FSTL5: variants seen among roughly 807,000 people sequenced by gnomAD.
The protein encoded by FSTL5 is follistatin-related protein 5.
Under a neutral mutation model 89.1 loss-of-function variants are expected in FSTL5, and 62 were observed. That is an observed-to-expected ratio of 0.70 (90% CI 0.57 to 0.86). The LOEUF (loss-of-function observed/expected upper bound fraction) is 0.86. Ranked by LOEUF, FSTL5 falls within the 40% of genes least tolerant of loss-of-function variation. The pLI is 0.00. For missense variants in FSTL5, 1,057 were observed against 1,001.6 expected (o/e 1.06, Z -0.75); for synonymous variants, 383 against 346.2 (o/e 1.11, Z -1.18).
intron 15 of FSTL5, among the ~76,000 whole-genome samples, chr4:161,438,801 TAA>T (rs555671513): frequency 6.6e-6 from 1 of 152,248 alleles, no homozygotes; most frequent in East Asian, 1.9e-4. Context: ...TAACATTTTG[TAA>T]AGAGATAAGC....
intron 10 of FSTL5, among the ~76,000 whole-genome samples, chr4:161,531,864 A>C (rs1731421817): frequency 1.3e-5 from 2 of 152,168 alleles, no homozygotes; most frequent in Non-Finnish European, 2.9e-5. Flanking sequence ...TGGGTTTTCT[A>C]GGCTTTTGAG....
At chr4:162,133,573 G>T (rs929709352) in intron 1 of FSTL5, among the ~76,000 whole-genome samples, 4 of 151,966 alleles carry the variant, frequency 2.6e-5, no homozygotes, top group Non-Finnish European at 5.9e-5. Context: ...ATAAATACTG[G>T]TAACATTCAG....
At chr4:161,497,377 G>T (rs144438429) in intron 12 of FSTL5, among the ~76,000 whole-genome samples, 3 of 151,676 alleles carry the variant, frequency 2.0e-5, no homozygotes, top group Non-Finnish European at 4.4e-5. Context: ...AATCATAAGC[G>T]GAAATTAGTT....
intron 6 of FSTL5, among the ~76,000 whole-genome samples, chr4:161,722,901 G>A (rs934000855): frequency 2.6e-5 from 4 of 152,054 alleles, no homozygotes; most frequent in African/African-American, 9.7e-5. Flanking sequence ...GTTGAAATAT[G>A]TCTTTATTAA....
chr4:161,993,024 G>T (rs1159948047), intron 3 of FSTL5, among the ~76,000 whole-genome samples: 10 of 148,422 alleles, frequency 6.7e-5, no homozygotes, highest in African/African-American at 2.5e-4. Flanking sequence ...AGGCGGAGGG[G>T]TGTGGAGGGG....
At chr4:161,839,292 G>A (rs1375411552) in intron 4 of FSTL5, among the ~76,000 whole-genome samples, 3 of 151,964 alleles carry the variant, frequency 2.0e-5, no homozygotes. Flanking sequence ...GAATGAAAGA[G>A]AGAAAGAGAC....
At chr4:161,934,128 A>T (rs190431553) in intron 3 of FSTL5, among the ~76,000 whole-genome samples, 1 of 152,086 alleles carries the variant, frequency 6.6e-6, no homozygotes, top group Non-Finnish European at 1.5e-5. Flanking sequence ...CCAAATAGTT[A>T]CTTATCATGT....
chr4:161,967,995 T>C (rs1735374970), intron 3 of FSTL5, among the ~76,000 whole-genome samples: 1 of 152,028 alleles, frequency 6.6e-6, no homozygotes, highest in African/African-American at 2.4e-5. Flanking sequence ...AAAAAGAAAA[T>C]AAATACTTGT....
At chr4:161,794,263 G>A (rs1459483047) in intron 4 of FSTL5, among the ~76,000 whole-genome samples, 4 of 152,058 alleles carry the variant, frequency 2.6e-5, no homozygotes, top group Non-Finnish European at 4.4e-5. Flanking sequence ...TATATGTACA[G>A]CCAAGATACA....
intron 4 of FSTL5, among the ~76,000 whole-genome samples, chr4:161,906,893 C>T (rs1021649756): frequency 1.3e-5 from 2 of 151,966 alleles, no homozygotes; most frequent in East Asian, 1.9e-4. Context: ...TGCTTCCATG[C>T]CTGCTGCTTC....
Position 161,574,431 on chromosome 4 carries a change from G to A in FSTL5, c.1015+13024C>T, listed in dbSNP as rs978847404. ...TACATAGTTATACATGTGCCAGCGT[G>A]GTTTGCTGCACCTATCAACCCATAA... On this transcript the variant is annotated intron_variant, in intron 8 of 15. Coordinates refer to ENST00000306100, the MANE Select transcript of FSTL5 (RefSeq NM_020116.5). Among the ~76,000 whole-genome samples, 5 of 151,010 alleles carry A rather than the reference G, an allele frequency of 3.3e-5. No individual in the cohort carries two copies. In the South Asian group the frequency reaches 6.3e-4, roughly 19 times the overall value.
chr4:161,656,245 A>C (rs1176166509), intron 7 of FSTL5, 83 bp downstream of exon 7: 7 of 666,946 alleles, frequency 1.0e-5, no homozygotes, highest in Non-Finnish European at 1.6e-5. Flanking sequence ...TCCAATATTC[A>C]TTAAGCTCCC....
intron 6 of FSTL5, among the ~76,000 whole-genome samples, chr4:161,695,384 A>G (rs1356939437): frequency 6.7e-6 from 1 of 148,872 alleles, no homozygotes; most frequent in Non-Finnish European, 1.5e-5. Context: ...GAATGCCATT[A>G]TTCATTCCTT....
chr4:161,705,089 C>T (rs1227332557), intron 6 of FSTL5, among the ~76,000 whole-genome samples: 1 of 151,868 alleles, frequency 6.6e-6, no homozygotes, highest in African/African-American at 2.4e-5. Flanking sequence ...GCATTTTGTT[C>T]TAAAATTATA....
At chr4:161,735,872 T>A (rs1739793077) in intron 6 of FSTL5, among the ~76,000 whole-genome samples, 1 of 152,064 alleles carries the variant, frequency 6.6e-6, no homozygotes, top group South Asian at 2.1e-4. Flanking sequence ...TAAATCTTAT[T>A]TTTTTCCTTA....
chr4:161,813,673 C>A (rs1730235578), intron 4 of FSTL5, among the ~76,000 whole-genome samples: 1 of 152,176 alleles, frequency 6.6e-6, no homozygotes, highest in Non-Finnish European at 1.5e-5. Flanking sequence ...AAATTGACTT[C>A]TTTGCCTTAG....
chr4:161,812,543 A>G (rs1730185666), intron 4 of FSTL5, among the ~76,000 whole-genome samples: 1 of 145,718 alleles, frequency 6.9e-6, no homozygotes, highest in Non-Finnish European at 1.5e-5. Context: ...CAAATGAAAC[A>G]AACAAAACTA....
intron 4 of FSTL5, among the ~76,000 whole-genome samples, chr4:161,839,983 C>T (rs750694060): frequency 3.9e-5 from 6 of 152,102 alleles, no homozygotes; most frequent in Middle Eastern, 3.4e-3. Flanking sequence ...GACAGATAGA[C>T]GGTTAAAAAT....
At chr4:161,817,771 C>A (rs552103640) in intron 4 of FSTL5, among the ~76,000 whole-genome samples, 1 of 152,322 alleles carries the variant, frequency 6.6e-6, no homozygotes, top group Admixed American at 6.5e-5. Flanking sequence ...TATGTGGGAT[C>A]ATAAGCATTC....
Sources: gnomAD v4.1 joint callset for allele counts (sites outside exome capture counted in the v4.1 genomes callset) on GRCh38, gnomAD v4.1.1 for gene constraint, MANE v1.5 for transcripts, NCBI Gene and HGNC (gene_info 2026-07-23, HGNC 2026-07-21) for gene names.